The following WNK2 variants were observed in gnomAD, a reference collection of about 807,000 sequenced individuals.
The protein encoded by WNK2 is serine/threonine-protein kinase WNK2.
In WNK2, 67 loss-of-function variants were observed where a neutral mutation model predicts 192.1. The observed-to-expected ratio is 0.35, with a 90% CI of 0.29 to 0.43. The LOEUF (loss-of-function observed/expected upper bound fraction) is 0.43. Among genes scored for constraint, WNK2 ranks in the 20% least tolerant of loss-of-function variants. WNK2 has a pLI of 1.00. For synonymous variants in WNK2, 1,439 were observed against 1,393.9 expected (o/e 1.03, Z -0.72); for missense variants, 2,698 against 3,089.7 (o/e 0.87, Z 3.01).
intron 28 of WNK2, among the ~76,000 whole-genome samples, chr9:93,313,679 G>A (rs562800046): frequency 6.6e-5 from 10 of 152,096 alleles, no homozygotes; most frequent in Middle Eastern, 6.8e-3. Flanking sequence ...CTTATCAGCC[G>A]TCTTTTAAAA....
intron 2 of WNK2, among the ~76,000 whole-genome samples, chr9:93,198,527 G>C (rs1831701937): frequency 6.6e-6 from 1 of 152,154 alleles, no homozygotes. Context: ...TTGAGTTGGG[G>C]GAGTGTGCCC....
intron 7 of WNK2, among the ~76,000 whole-genome samples, chr9:93,242,907 G>C (rs1279673246): frequency 6.6e-6 from 1 of 152,210 alleles, no homozygotes; most frequent in East Asian, 1.9e-4. Flanking sequence ...CCTCAGGAAG[G>C]GCAGGAGAAT....
At chr9:93,210,879 T>G (rs1020545765) in intron 2 of WNK2, among the ~76,000 whole-genome samples, 2 of 152,174 alleles carry the variant, frequency 1.3e-5, no homozygotes, top group Non-Finnish European at 2.9e-5. Context: ...CCAGGGCCGC[T>G]ATGGGAGCCC....
Position 93,247,663 on chromosome 9 carries a change from C to G in WNK2, c.1663C>G (p.Gln555Glu), listed in dbSNP as rs756080756. The change falls in exon 8 of 30, where the codon CAG (glutamine) becomes GAG (glutamate). Residue 555 changes from glutamine to glutamate, a missense_variant. Around this residue, in one of 7 missense-constraint regions of WNK2, gnomAD observed 893 missense variants for 909.0 expected, o/e 0.98. Transcript: ENST00000427277. The surrounding 1 kb of genome is among the most constrained non-coding windows in gnomAD (Gnocchi z 5.2). ...CTGGCCCGCGCTGCAGCCCAAGGAG[C>G]AGCAGGATGTGGGCAGCCCGGACAA... ...RIWPALQPKEQQDVGSPDKAR... is the reference protein window; with the variant it reads ...RIWPALQPKEEQDVGSPDKAR... 6.3e-7 allele frequency: 1 copy of G among 1,580,506 alleles called. No individual in the cohort carries two copies. The highest frequency in any genetic ancestry group is 8.6e-7 in the Non-Finnish European group (1 of 1,163,468).
intron 2 of WNK2, among the ~76,000 whole-genome samples, chr9:93,226,664 G>A (rs1158372124): frequency 2.0e-5 from 3 of 152,120 alleles, no homozygotes; most frequent in Non-Finnish European, 4.4e-5. Flanking sequence ...TATTCTGATG[G>A]CATCCCCCAG....
intron 7 of WNK2, among the ~76,000 whole-genome samples, chr9:93,242,856 T>TA (rs762978782): frequency 6.6e-6 from 1 of 152,136 alleles, no homozygotes; most frequent in Non-Finnish European, 1.5e-5. Context: ...AGGGCAAGGA[T>TA]AGGAGGACAT....
intron 2 of WNK2, among the ~76,000 whole-genome samples, chr9:93,203,023 G>A (rs185180324): frequency 3.9e-5 from 6 of 152,086 alleles, no homozygotes; most frequent in Middle Eastern, 3.4e-3. Context: ...TGTCCAAGTG[G>A]GTGGCAGTGG....
Position 93,267,896 on chromosome 9 carries a change from T to C in WNK2, c.3847T>C (p.Cys1283Arg), listed in dbSNP as rs150701047. ...PGTSPPHLST[C>R]GLGTGEESRQ... ...GACCAGCCCGCCACACCTCAGCACC[T>C]GCGGCCTGGGCACCGGGGAGGTGAG... The change falls in exon 17 of 30, where the codon TGC becomes CGC. Residue 1283 changes from cysteine (C) to arginine (R), a missense_variant. By Grantham distance (180) the Cys-to-Arg change is radical (BLOSUM62 -3). Transcript: ENST00000427277. 6.2e-6 allele frequency: 10 copies of C among 1,612,330 alleles called. No homozygotes were observed. In the African/African-American group the frequency reaches 1.1e-4, roughly 17 times the overall value.
chr9:93,318,516 G>C (rs1331034609), intron 29 of WNK2: 1 of 1,614,142 alleles, frequency 6.2e-7, no homozygotes, highest in South Asian at 1.1e-5. Context: ...GAAAACGTTA[G>C]GTGAGCAGAC....
intron 19 of WNK2, among the ~76,000 whole-genome samples, chr9:93,288,052 A>G (rs1157235051): frequency 1.3e-5 from 2 of 152,210 alleles, no homozygotes; most frequent in Non-Finnish European, 1.5e-5. Context: ...TCCAAAAAAA[A>G]AGAAAGGTCG....
intron 27 of WNK2, 63 bp downstream of exon 27, chr9:93,306,884 G>T: frequency 6.2e-7 from 1 of 1,608,898 alleles, no homozygotes; most frequent in South Asian, 1.1e-5. Flanking sequence ...CGTGGCTAGC[G>T]CACATCAGGG....
rs1421836072 is a variant in WNK2, at chr9:93,267,941, G to A, written c.3867+25G>A. ...GGTGAGGTTGTGAAATCCGGGGTGG[G>A]AGGTGGTGAGAGTGCAGTGGCTGGG... On this transcript the variant is annotated intron_variant, in intron 17 of 29. Coordinates refer to ENST00000427277, the MANE Select transcript of WNK2 (RefSeq NM_006648.4). The A allele has an allele frequency of 3.1e-6, 5 of 1,610,724 alleles. No homozygotes were observed. In the Admixed American group the frequency reaches 5.0e-5, roughly 16 times the overall value.
At position 93,257,180 on chromosome 9, in the gene WNK2, C is replaced by A. The variant is rs1271396414; in HGVS notation, c.2382+41C>A. The A allele has an allele frequency of 6.3e-7, 1 of 1,579,288 alleles. No homozygotes were observed. Among genetic ancestry groups the A allele is most frequent in the Non-Finnish European group, 8.6e-7 (1 of 1,168,562 alleles). ...TGGCTGCCGTCAGTGGTGGCGCACG[C>A]TTTGCCAGGCCCTGGCTGGTGCACT... On this transcript the variant is annotated intron_variant, in intron 11 of 29. Transcript: ENST00000427277. This position sits in a 1 kb window ranked among gnomAD's most constrained non-coding sequence, Gnocchi z 4.7.
At chr9:93,285,357 A>T (rs1444089725) in intron 19 of WNK2, among the ~76,000 whole-genome samples, 1 of 152,250 alleles carries the variant, frequency 6.6e-6, no homozygotes, top group Non-Finnish European at 1.5e-5. Flanking sequence ...ATATACATAG[A>T]GATTTAAATT....
At chr9:93,304,477 C>T (rs568051450) in intron 26 of WNK2, among the ~76,000 whole-genome samples, 3 of 152,394 alleles carry the variant, frequency 2.0e-5, no homozygotes, top group South Asian at 2.1e-4. Flanking sequence ...AGGGCCTTGG[C>T]GCCGCCTCTT....
rs1245478374 is a variant in WNK2 at position 93,263,759 on chromosome 9, G to A, written c.3579+25G>A. On this transcript the variant is annotated intron_variant, in intron 15 of 29. Transcript: ENST00000427277. ...CGTGAGTGGGCGGGGCGTGGCGGGG[G>A]TGTGGTGGGGGTGGGGGCATGGTGG... is the stretch of plus-strand genomic sequence containing the variant. 4 of 1,317,876 alleles carry A rather than the reference G, an allele frequency of 3.0e-6. No homozygotes were observed. In the African/African-American group the frequency reaches 6.4e-5, roughly 21 times the overall value. 81.6% of individuals were successfully genotyped at this position (1,317,876 alleles called of 1,614,324 possible).
chr9:93,319,268 C>A lies in WNK2; in HGVS notation c.6629-1099C>A, dbSNP rs114534350. 6,981 of 1,527,514 alleles carry A rather than the reference C, an allele frequency of 4.6e-3. 288 individuals carry two copies. The African/African-American group carries it at 0.084, about 18-fold the overall frequency. 94.6% of individuals were successfully genotyped at this position (1,527,514 alleles called of 1,614,324 possible). The stretch of plus-strand genomic sequence containing the variant: ...CCATATAAAATCCAAAGCAACCAGC[C>A]TCCTAGGGAGCACAGGAGTTGGGAG... On this transcript the variant is annotated intron_variant, in intron 29 of 29. Coordinates refer to ENST00000427277, the MANE Select transcript of WNK2 (RefSeq NM_006648.4).
chr9:93,258,544 C>T (rs550811413), intron 11 of WNK2, among the ~76,000 whole-genome samples: 112 of 152,288 alleles, frequency 7.4e-4, no homozygotes, highest in African/African-American at 2.5e-3. Context: ...AGTCACTCCT[C>T]TATGACCTGT....
chr9:93,244,109 C>G (rs1841254434), intron 7 of WNK2, among the ~76,000 whole-genome samples: 1 of 152,208 alleles, frequency 6.6e-6, no homozygotes, highest in Non-Finnish European at 1.5e-5. Flanking sequence ...AACAAAAGTC[C>G]CTGAGATTAG....
Sources: allele counts gnomAD v4.1 joint callset (sites outside exome capture counted in the v4.1 genomes callset), GRCh38; gene constraint gnomAD v4.1.1; regional missense constraint gnomAD v4.1.1; non-coding constraint Gnocchi (gnomAD v3.1); transcripts MANE v1.5; gene names NCBI Gene and HGNC (gene_info 2026-07-23, HGNC 2026-07-21).